Variants in HHIP observed in about 807,000 individuals in gnomAD.
The protein encoded by HHIP is hedgehog-interacting protein.
Under a neutral mutation model 74.0 loss-of-function variants are expected in HHIP, and 12 were observed. The ratio of observed to expected loss-of-function variants is 0.16; its 90% CI spans 0.10 to 0.26. The LOEUF (loss-of-function observed/expected upper bound fraction) is 0.26, where lower values mean the gene tolerates loss of function less well. Ranked by LOEUF, HHIP falls within the 10% of genes least tolerant of loss-of-function variation. HHIP has a pLI of 1.00. For synonymous variants in HHIP, 309 were observed against 311.6 expected (o/e 0.99, Z 0.09); for missense variants, 788 against 845.0 (o/e 0.93, Z 0.84).
chr4:144,691,653 T>C (rs1729672603), intron 4 of HHIP, among the ~76,000 whole-genome samples: 1 of 152,198 alleles, frequency 6.6e-6, no homozygotes, highest in South Asian at 2.1e-4. Flanking sequence ...TATAGGATTT[T>C]TTTACATAAG....
chr4:144,671,097 A>G (rs183073464), intron 4 of HHIP, among the ~76,000 whole-genome samples: 1 of 152,298 alleles, frequency 6.6e-6, no homozygotes. Context: ...TTTTCTATGT[A>G]TCATCTTTAA....
chr4:144,646,637 C>CA lies in HHIP; in HGVS notation c.-38dup. 1 of 1,592,624 alleles carries CA rather than the reference C, an allele frequency of 6.3e-7. No homozygotes were observed. On this transcript the variant is annotated 5_prime_UTR_variant, in exon 1 of 13. Transcript: ENST00000296575. ...CCTGCTGGGCAGTGGCGTTCCCCCCCATCCTCCCGCGCCCAGCCCCTGCTG... is the reference window on the plus strand; with the variant it reads ...CCTGCTGGGCAGTGGCGTTCCCCCCCAATCCTCCCGCGCCCAGCCCCTGCTG...
intron 4 of HHIP, among the ~76,000 whole-genome samples, chr4:144,680,106 TC>T (rs1293765299): frequency 6.6e-6 from 1 of 152,180 alleles, no homozygotes; most frequent in Non-Finnish European, 1.5e-5. Flanking sequence ...AAAGTTAATT[TC>T]TTTTTAATGA....
At chr4:144,649,786 G>A (rs1728367557) in intron 1 of HHIP, among the ~76,000 whole-genome samples, 2 of 152,064 alleles carry the variant, frequency 1.3e-5, no homozygotes, top group Non-Finnish European at 2.9e-5. Flanking sequence ...TGTTTGCTCT[G>A]GCTCTTTCAG....
At chr4:144,728,601 C>T (rs910328778) in intron 11 of HHIP, among the ~76,000 whole-genome samples, 11 of 152,042 alleles carry the variant, frequency 7.2e-5, no homozygotes, top group Non-Finnish European at 7.4e-5. Context: ...ACAGATATTT[C>T]TGCAGCCTAC....
intron 4 of HHIP, among the ~76,000 whole-genome samples, chr4:144,680,762 G>A (rs1442870816): frequency 2.6e-5 from 4 of 152,192 alleles, no homozygotes; most frequent in African/African-American, 9.7e-5. Flanking sequence ...CATTCAGGTA[G>A]AGATTTATGG....
chr4:144,657,638 A>C (rs1728590976), intron 2 of HHIP, among the ~76,000 whole-genome samples: 1 of 152,082 alleles, frequency 6.6e-6, no homozygotes, highest in Admixed American at 6.5e-5. Context: ...TTTTGCCATA[A>C]AGTTATTTCC....
At chr4:144,722,736 C>A (rs1009882497) in intron 11 of HHIP, among the ~76,000 whole-genome samples, 35 of 152,088 alleles carry the variant, frequency 2.3e-4, no homozygotes, top group African/African-American at 7.5e-4. Flanking sequence ...TGCCTGTAAT[C>A]CCAGCTATTC....
intron 11 of HHIP, among the ~76,000 whole-genome samples, chr4:144,722,722 T>C (rs1033315910): frequency 1.3e-5 from 2 of 151,988 alleles, no homozygotes; most frequent in African/African-American, 4.8e-5. Flanking sequence ...GGCATGGTAG[T>C]GCATGCCTGT....
chr4:144,720,315 A>G (rs545491744), intron 11 of HHIP, among the ~76,000 whole-genome samples: 1 of 152,354 alleles, frequency 6.6e-6, no homozygotes, highest in South Asian at 2.1e-4. Flanking sequence ...CTAAAGACTC[A>G]TAATGAGGTG....
chr4:144,707,587 C>A (rs1447866795), intron 6 of HHIP, among the ~76,000 whole-genome samples: 1 of 122,892 alleles, frequency 8.1e-6, no homozygotes, highest in Non-Finnish European at 1.6e-5. Flanking sequence ...GCCCAGCGAA[C>A]CTTCCTGGGA....
intron 4 of HHIP, among the ~76,000 whole-genome samples, chr4:144,695,142 ATTTGTCAGTTTAATTTTTT>A (rs1729780146): frequency 1.3e-5 from 2 of 151,776 alleles, no homozygotes; most frequent in South Asian, 4.1e-4. Flanking sequence ...TTTGCTTGAT[ATTTGTCAGTTTAATTTTTT>A]TTTAACTATT....
chr4:144,658,519 C>T (rs1728611353), intron 2 of HHIP, among the ~76,000 whole-genome samples: 1 of 151,906 alleles, frequency 6.6e-6, no homozygotes, highest in South Asian at 2.1e-4. Context: ...TAGGCGCATG[C>T]CACCATGCCC....
intron 4 of HHIP, among the ~76,000 whole-genome samples, chr4:144,664,768 G>C (rs1408974579): frequency 1.3e-5 from 2 of 152,142 alleles, no homozygotes; most frequent in Non-Finnish European, 2.9e-5. Context: ...GATTATATTT[G>C]TTAAATATTA....
intron 1 of HHIP, among the ~76,000 whole-genome samples, chr4:144,648,002 A>G (rs1728315104): frequency 6.6e-6 from 1 of 151,042 alleles, no homozygotes; most frequent in Non-Finnish European, 1.5e-5. Context: ...AAAAAAAAAT[A>G]CCCAGGCTGA....
intron 11 of HHIP, among the ~76,000 whole-genome samples, chr4:144,729,518 C>A (rs1177230838): frequency 6.6e-6 from 1 of 152,070 alleles, no homozygotes; most frequent in East Asian, 1.9e-4. Context: ...AGTCACCTGG[C>A]CATTTTGTTA....
At chr4:144,676,958 A>T (rs934203139) in intron 4 of HHIP, among the ~76,000 whole-genome samples, 2 of 152,228 alleles carry the variant, frequency 1.3e-5, no homozygotes, top group African/African-American at 2.4e-5. Flanking sequence ...TGCAAGAAAC[A>T]TGATTAAGAG....
chr4:144,687,284 G>C (rs961492001), intron 4 of HHIP, among the ~76,000 whole-genome samples: 2 of 152,164 alleles, frequency 1.3e-5, no homozygotes, highest in Admixed American at 6.5e-5. Context: ...GAGTTTTGGA[G>C]TACAGGAGTG....
chr4:144,652,550 G>C, intron 1 of HHIP, 55 bp from the exon 2 acceptor site: 1 of 1,103,426 alleles, frequency 9.1e-7, no homozygotes. Context: ...AATAATAATA[G>C]CTAAACCTAA....
Sources: allele counts gnomAD v4.1 joint callset (sites outside exome capture counted in the v4.1 genomes callset), GRCh38; gene constraint gnomAD v4.1.1; transcripts MANE v1.5; gene names NCBI Gene and HGNC (gene_info 2026-07-23, HGNC 2026-07-21).